Variants in DDX25 observed in about 807,000 individuals in gnomAD.
DDX25 encodes the protein ATP-dependent RNA helicase DDX25.
Under a neutral mutation model 64.6 loss-of-function variants are expected in DDX25, and 70 were observed. That is an observed-to-expected ratio of 1.08 (90% CI 0.89 to 1.32). The LOEUF is 1.32. Ranked by LOEUF, DDX25 falls within the 40% of genes most tolerant of loss-of-function variation. The probability of loss-of-function intolerance (pLI) is 0.00; values close to 1 mark genes in which losing one functional copy is unlikely to be tolerated. For missense variants in DDX25, 587 were observed against 604.4 expected, an observed-to-expected ratio of 0.97 and a Z score of 0.30; for synonymous variants, 211 against 213.3, an observed-to-expected ratio of 0.99 and a Z score of 0.09.
At chr11:125,908,005 T>G (rs1186541068) in intron 4 of DDX25, among the ~76,000 whole-genome samples, 191 bp from the exon 5 acceptor site, 1 of 152,248 alleles carries the variant, frequency 6.6e-6, no homozygotes, top group Non-Finnish European at 1.5e-5. Flanking sequence ...TAGCTTATTA[T>G]TTTAGTGGTC....
chr11:125,906,766 C>T (rs546889496), intron 4 of DDX25, among the ~76,000 whole-genome samples: 117 of 139,240 alleles, frequency 8.4e-4, no homozygotes, highest in African/African-American at 3.0e-3. Flanking sequence ...GCAGAGGTTG[C>T]AGTGAGCCGA....
rs891861567 is a variant in DDX25, at chr11:125,926,202, C to T, written c.*3321C>T. On this transcript the variant is annotated 3_prime_UTR_variant, in exon 12 of 12. Transcript: ENST00000263576. ...CCGGGGGGCATTACTATGTTCTCAC[C>T]CACATTGTACAGACAGCCCATCATG... The T allele has an allele frequency of 1.3e-5, 2 of 152,238 alleles. No individual in the cohort carries two copies. The highest frequency in any genetic ancestry group is 6.5e-5 in the Admixed American group (1 of 15,276). 9.4% of individuals were successfully genotyped at this position (152,238 alleles called of 1,614,324 possible).
At chr11:125,911,704 C>G (rs1308723480) in intron 8 of DDX25, among the ~76,000 whole-genome samples, 2 of 152,232 alleles carry the variant, frequency 1.3e-5, no homozygotes, top group East Asian at 3.8e-4. Context: ...GAGTGCTTTA[C>G]TTTGCAACAC....
chr11:125,913,616 T>C (rs1359258234), intron 8 of DDX25, among the ~76,000 whole-genome samples: 1 of 152,180 alleles, frequency 6.6e-6, no homozygotes, highest in East Asian at 1.9e-4. Context: ...CAAGCTTTTG[T>C]TTATGACCTT....
Position 125,911,354 on chromosome 11 carries a change from T to A in DDX25, c.666T>A (p.Thr222=). The part of the protein sequence containing the change: ...TDITKQIIIG[T]PGTVLDWCFK... ...TCACTAAACAGATTATAATTGGCAC[T>A]CCTGGGACTGTCCTAGATTGGTGTT... is the stretch of plus-strand genomic sequence containing the variant. The change falls in exon 8 of 12, where the codon ACT becomes ACA. Residue 222 remains threonine, a synonymous_variant. Coordinates refer to ENST00000263576, the MANE Select transcript of DDX25 (RefSeq NM_013264.5). The A allele has an allele frequency of 6.2e-7, 1 of 1,613,766 alleles. No individual in the cohort carries two copies. Among genetic ancestry groups the A allele is most frequent in the Non-Finnish European group, 8.5e-7 (1 of 1,179,774 alleles).
chr11:125,917,007 A>G lies in DDX25; in HGVS notation c.801-7A>G, dbSNP rs545307523. 326 of 1,580,342 alleles carry G rather than the reference A, an allele frequency of 2.1e-4. 5 individuals carry two copies. The South Asian group carries it at 3.2e-3, about 15-fold the overall frequency. On this transcript the variant is annotated splice_polypyrimidine_tract_variant and splice_region_variant and intron_variant, in intron 8 of 11. Coordinates refer to ENST00000263576, the MANE Select transcript of DDX25 (RefSeq NM_013264.5). Reference sequence around the variant, plus strand: ...GCTTGGTGACAGCCTTCTCTCCTCTATCACAGAGCTCTACCCTCCGAATGC... The same window carrying G: ...GCTTGGTGACAGCCTTCTCTCCTCTGTCACAGAGCTCTACCCTCCGAATGC...
chr11:125,911,534 G>T, intron 8 of DDX25, 46 bp downstream of exon 8: 1 of 1,567,842 alleles, frequency 6.4e-7, no homozygotes, highest in Non-Finnish European at 8.7e-7. Context: ...CTGTCCAGAT[G>T]GGGAATTTCA....
chr11:125,906,761 G>A (rs529929658), intron 4 of DDX25, among the ~76,000 whole-genome samples: 1 of 145,310 alleles, frequency 6.9e-6, no homozygotes, highest in Non-Finnish European at 1.5e-5. Context: ...AGGAGGCAGA[G>A]GTTGCAGTGA....
At position 125,906,096 on chromosome 11, in the gene DDX25, C is replaced by G; in HGVS notation, c.198C>G (p.Leu66=). 6.5e-7 allele frequency: 1 copy of G among 1,542,970 alleles called. No individual in the cohort carries two copies. Among genetic ancestry groups the G allele is most frequent in the East Asian group, 2.4e-5 (1 of 40,836 alleles). The change falls in exon 4 of 12, where the codon CTC becomes CTG. Residue 66 remains leucine (L), a synonymous_variant. Transcript: ENST00000263576. The part of the protein sequence containing the change: ...EDVVDLAANS[L]LNKLIHQSLV... ...TAGTGGATTTGGCAGCTAATTCACT[C>G]TTAAACAAGTTAATCCATCAATCCT...
chr11:125,904,335 T>G (rs1051702895), upstream of DDX25: 261 of 409,206 alleles, frequency 6.4e-4, no homozygotes, highest in African/African-American at 5.1e-3. Context: ...CCCCGCTCTC[T>G]GCCCTCCGCC....
At chr11:125,915,659 A>T (rs1945027819) in intron 8 of DDX25, among the ~76,000 whole-genome samples, 1 of 152,254 alleles carries the variant, frequency 6.6e-6, no homozygotes, top group Non-Finnish European at 1.5e-5. Flanking sequence ...GTGACCCAGC[A>T]GGTGGCCAAG....
At chr11:125,906,777 G>A (rs1264290124) in intron 4 of DDX25, among the ~76,000 whole-genome samples, 3 of 133,482 alleles carry the variant, frequency 2.2e-5, no homozygotes, top group African/African-American at 8.5e-5. Context: ...AGTGAGCCGA[G>A]ACACCATTGC....
chr11:125,920,796 G>GCCAGAA (rs1945099909), intron 10 of DDX25, among the ~76,000 whole-genome samples: 1 of 152,128 alleles, frequency 6.6e-6, no homozygotes, highest in South Asian at 2.1e-4. Context: ...CAGAGCCAGA[G>GCCAGAA]CCCCATGACG....
rs538188856 is a variant in DDX25, at chr11:125,919,201, A to G, written c.1201+411A>G. On this transcript the variant is annotated intron_variant, in intron 10 of 11. Transcript: ENST00000263576. ...TTCGTCTGTCCACCAGTTGATGGAC[A>G]TTTGGACTGCTTTCAGTTTGTGGCT... Among the ~76,000 whole-genome samples, 8 of 152,318 alleles carry G rather than the reference A, an allele frequency of 5.3e-5. No homozygotes were observed. The East Asian group carries it at 9.6e-4, about 18-fold the overall frequency.
Position 125,921,214 on chromosome 11 carries a change from ATTG to A in DDX25, c.1230_1232del (p.Val411del). The stretch of plus-strand genomic sequence containing the variant: ...AGGGATTGATGTGAAGCAGGTCACA[ATTG>A]TTGTGAACTTTGATCTCCCTGTAAA... On this transcript the variant is annotated inframe_deletion, in exon 11 of 12. Transcript: ENST00000263576. This position sits in a 1 kb window ranked among gnomAD's most constrained non-coding sequence, Gnocchi z 4.1. The A allele has an allele frequency of 6.2e-7, 1 of 1,611,816 alleles. No individual in the cohort carries two copies. The highest frequency in any genetic ancestry group is 2.2e-5 in the East Asian group (1 of 44,836).
intron 4 of DDX25, 117 bp from the exon 5 acceptor site, chr11:125,908,079 C>A: frequency 2.6e-6 from 2 of 765,552 alleles, no homozygotes; most frequent in Non-Finnish European, 4.2e-6. Context: ...TCTCCAAATA[C>A]TAGTTTTAAA....
Position 125,910,414 on chromosome 11 carries a change from G to A in DDX25, c.558G>A (p.Val186=), listed in dbSNP as rs772104195. ...TYELALQTGR[V]VEQMGKFCVD... Reference sequence around the variant, plus strand: ...AATTGGCTCTGCAAACTGGCCGTGTGGTTGAGCAGATGGGAAAATTCTGTG... The same window carrying A: ...AATTGGCTCTGCAAACTGGCCGTGTAGTTGAGCAGATGGGAAAATTCTGTG... Residue 186 remains valine, a synonymous_variant, in exon 7 of 12, where the codon GTG becomes GTA. Transcript: ENST00000263576. 5.6e-6 allele frequency: 9 copies of A among 1,613,876 alleles called. No individual in the cohort carries two copies. Among genetic ancestry groups the A allele is most frequent in the Admixed American group, 1.7e-5 (1 of 60,008 alleles).
intron 3 of DDX25, 44 bp from the exon 4 acceptor site, chr11:125,906,030 A>G (rs1024455462): frequency 6.6e-7 from 1 of 1,513,026 alleles, no homozygotes; most frequent in Middle Eastern, 1.9e-4. Context: ...ATTTGATGTC[A>G]TTCAGGAAGC....
chr11:125,917,121 G>C lies in DDX25; in HGVS notation c.908G>C (p.Arg303Pro). 6.2e-7 allele frequency: 1 copy of C among 1,610,188 alleles called. No homozygotes were observed. Among genetic ancestry groups the C allele is most frequent in the Non-Finnish European group, 8.5e-7 (1 of 1,178,514 alleles). The stretch of plus-strand genomic sequence containing the variant: ...CCTGACCCTAATGTTATCAAGTTAC[G>C]CAAAGAGGAGCTCACACTGAACAAC... ...IIPDPNVIKLRKEELTLNNIR... is the reference protein window; with the variant it reads ...IIPDPNVIKLPKEELTLNNIR... Residue 303 changes from arginine to proline, a missense_variant, in exon 9 of 12, where the codon CGC (arginine) becomes CCC (proline). By Grantham distance (103) the Arg-to-Pro change is moderately radical. Transcript: ENST00000263576.
Sources: allele counts gnomAD v4.1 joint callset (sites outside exome capture counted in the v4.1 genomes callset), GRCh38; gene constraint gnomAD v4.1.1; non-coding constraint Gnocchi (gnomAD v3.1); transcripts MANE v1.5; gene names NCBI Gene and HGNC (gene_info 2026-07-23, HGNC 2026-07-21).